Variants in LRSAM1 observed in about 807,000 individuals in gnomAD.
LRSAM1 encodes the protein E3 ubiquitin-protein ligase LRSAM1.
In LRSAM1, 96 loss-of-function variants were observed where a neutral mutation model predicts 118.1. The observed-to-expected ratio is 0.81, with a 90% CI of 0.69 to 0.96. The LOEUF is 0.96. LRSAM1 is among the 40% of genes least tolerant of loss of function. The probability of loss-of-function intolerance (pLI) is 0.00; values close to 1 mark genes in which losing one functional copy is unlikely to be tolerated. For missense variants in LRSAM1, 804 were observed against 915.5 expected, an observed-to-expected ratio of 0.88 and a Z score of 1.57; for synonymous variants, 322 against 364.2, an observed-to-expected ratio of 0.88 and a Z score of 1.32.
intron 19 of LRSAM1, 134 bp downstream of exon 19, chr9:127,489,652 C>A: frequency 1.0e-6 from 1 of 999,206 alleles, no homozygotes; most frequent in Non-Finnish European, 1.5e-6. Context: ...GAGGTCGAGG[C>A]CTTGCCCTCA....
chr9:127,475,929 G>A (rs972464985), intron 11 of LRSAM1, among the ~76,000 whole-genome samples: 5 of 151,906 alleles, frequency 3.3e-5, no homozygotes, highest in Non-Finnish European at 5.9e-5. Flanking sequence ...TAGTAGAGAC[G>A]GGGTTTCACC....
chr9:127,496,893 C>G lies in LRSAM1; in HGVS notation c.1831-360C>G, dbSNP rs189791238. Among the ~76,000 whole-genome samples the G allele has an allele frequency of 4.6e-5, 7 of 152,344 alleles. No homozygotes were observed. In the East Asian group the frequency reaches 9.6e-4, roughly 21 times the overall value. ...CTGCTGCTGCTTAGTGGCTTGGCCT[C>G]CAAGGCTTCTCTCCTCCCCCACCTG... On this transcript the variant is annotated intron_variant, in intron 23 of 25. Coordinates refer to ENST00000300417, the MANE Select transcript of LRSAM1 (RefSeq NM_001005373.4).
Position 127,489,518 on chromosome 9 carries a change from G to C in LRSAM1, c.1422G>C (p.Gln474His). The change falls in exon 19 of 26, where the codon CAG (glutamine) becomes CAC (histidine). Residue 474 changes from glutamine (Q) to histidine (H), a missense_variant and splice_region_variant. Physicochemically the swap from Gln to His is conservative, Grantham distance 24. Transcript: ENST00000300417. ...TGATGCATCGGCAGATCAGGAGCCA[G>C]GTGAGCGCTGGGGCTGGGGTCCCTG... ...KDLMHRQIRSQIKLIETELLQ... is the reference protein window; with the variant it reads ...KDLMHRQIRSHIKLIETELLQ... 6.2e-7 allele frequency: 1 copy of C among 1,606,424 alleles called. No individual in the cohort carries two copies. Among genetic ancestry groups the C allele is most frequent in the South Asian group, 1.1e-5 (1 of 89,224 alleles).
intron 10 of LRSAM1, among the ~76,000 whole-genome samples, chr9:127,471,579 G>A (rs1001325237): frequency 1.7e-4 from 26 of 151,286 alleles, no homozygotes; most frequent in African/African-American, 5.8e-4. Context: ...CTGAGGTCGG[G>A]AGTTCGAGAC....
Position 127,501,057 on chromosome 9 carries a change from G to C in LRSAM1, c.1960G>C (p.Glu654Gln). Residue 654 changes from glutamate to glutamine, a missense_variant, in exon 25 of 26, where the codon GAG (glutamate) becomes CAG (glutamine). Transcript: ENST00000300417. ...GEVVTPTAPQEPPESVRPSAP... is the reference protein window; with the variant it reads ...GEVVTPTAPQQPPESVRPSAP... ...GGTCGTCACCCCTACGGCCCCCCAGGAGCCTCCTGAGTCTGTGAGGCCATC... is the reference window on the plus strand; with the variant it reads ...GGTCGTCACCCCTACGGCCCCCCAGCAGCCTCCTGAGTCTGTGAGGCCATC... 1 of 1,614,034 alleles carries C rather than the reference G, an allele frequency of 6.2e-7. No homozygotes were observed. The highest frequency in any genetic ancestry group is 1.3e-5 in the African/African-American group (1 of 75,040).
At chr9:127,476,755 A>C (rs1835361807) in intron 11 of LRSAM1, among the ~76,000 whole-genome samples, 1 of 151,630 alleles carries the variant, frequency 6.6e-6, no homozygotes, top group South Asian at 2.1e-4. Context: ...GCTCACTGCA[A>C]CCTCTGCCTC....
chr9:127,497,098 A>ATC (rs763882034), intron 23 of LRSAM1, among the ~76,000 whole-genome samples, 155 bp from the exon 24 acceptor site: 5 of 152,240 alleles, frequency 3.3e-5, no homozygotes, highest in Non-Finnish European at 5.9e-5. Context: ...GCACTGCCTC[A>ATC]TCCTGACCGT....
intron 15 of LRSAM1, among the ~76,000 whole-genome samples, chr9:127,482,223 A>G (rs1043395152): frequency 1.3e-5 from 2 of 149,682 alleles, no homozygotes; most frequent in Non-Finnish European, 3.0e-5. Flanking sequence ...GCTCACTGCA[A>G]CCTCCACCTC....
chr9:127,477,065 G>T (rs1192005400), intron 11 of LRSAM1, among the ~76,000 whole-genome samples: 1 of 152,182 alleles, frequency 6.6e-6, no homozygotes, highest in Admixed American at 6.5e-5. Context: ...AACATTGGGT[G>T]AATTAGAGTA....
chr9:127,459,362 G>A (rs1033541765), intron 7 of LRSAM1, among the ~76,000 whole-genome samples: 9 of 151,990 alleles, frequency 5.9e-5, no homozygotes, highest in Admixed American at 1.3e-4. Context: ...GGGATTACAG[G>A]TGTGTGCCAC....
intron 10 of LRSAM1, among the ~76,000 whole-genome samples, chr9:127,471,675 T>C (rs1442467206): frequency 1.3e-5 from 2 of 150,266 alleles, no homozygotes; most frequent in African/African-American, 2.4e-5. Context: ...TAATCCCAGC[T>C]ACTCAGGAGG....
At chr9:127,497,808 G>A (rs1836211039) in intron 24 of LRSAM1, among the ~76,000 whole-genome samples, 1 of 152,198 alleles carries the variant, frequency 6.6e-6, no homozygotes, top group Non-Finnish European at 1.5e-5. Flanking sequence ...TGGAGTCTGG[G>A]GTCTGCCATG....
rs760104002 is a variant in LRSAM1 at position 127,497,244 on chromosome 9, C to G, written c.1831-9C>G. ...AGGCCACAGTCTGCACTTCCTTGAA[C>G]TGTCACAGGTGGGCGTCTCAGAAGC... On this transcript the variant is annotated splice_polypyrimidine_tract_variant and intron_variant, in intron 23 of 25. Transcript: ENST00000300417. The G allele has an allele frequency of 3.1e-6, 5 of 1,613,026 alleles. No homozygotes were observed. The highest frequency in any genetic ancestry group is 4.2e-6 in the Non-Finnish European group (5 of 1,179,890).
At chr9:127,469,922 G>A (rs149893094) in intron 10 of LRSAM1, among the ~76,000 whole-genome samples, 21 of 152,220 alleles carry the variant, frequency 1.4e-4, no homozygotes, top group African/African-American at 3.4e-4. Flanking sequence ...CCGAGATTGC[G>A]CCACTGCACT....
rs530301480 is a variant in LRSAM1, at chr9:127,465,196, A to G, written c.529-2544A>G. ...TAAGCAAACACATGGCCAGCATGCA[A>G]TGAGCCGGGATCTGAAGCCATGGCG... On this transcript the variant is annotated intron_variant, in intron 9 of 25. Transcript: ENST00000300417. The surrounding 1 kb of genome is among the most constrained non-coding windows in gnomAD (Gnocchi z 4.1). Among the ~76,000 whole-genome samples the G allele has an allele frequency of 8.5e-5, 13 of 152,246 alleles. No individual in the cohort carries two copies. In the South Asian group the frequency reaches 1.0e-3, roughly 12 times the overall value.
At position 127,503,222 on chromosome 9, in the gene LRSAM1, C is replaced by T. The variant is rs551523391; in HGVS notation, c.*323C>T. ...CCCAGCTGTCTTGACTGAAGGCCAC[C>T]GCCCCTGCAGGAGCTTGGGTCCTCA... is the stretch of plus-strand genomic sequence containing the variant. On this transcript the variant is annotated 3_prime_UTR_variant, in exon 26 of 26. Coordinates refer to ENST00000300417, the MANE Select transcript of LRSAM1 (RefSeq NM_001005373.4). 19 of 391,396 alleles carry T rather than the reference C, an allele frequency of 4.9e-5. No individual in the cohort carries two copies. The highest frequency in any genetic ancestry group is 7.5e-5 in the Admixed American group (2 of 26,692). The allele number at this position is 391,396 out of a possible 1,614,324, so 24.2% of individuals were successfully genotyped here.
chr9:127,461,241 G>T lies in LRSAM1; in HGVS notation c.390G>T (p.Gln130His). 1 of 1,611,918 alleles carries T rather than the reference G, an allele frequency of 6.2e-7. No individual in the cohort carries two copies. Among genetic ancestry groups the T allele is most frequent in the South Asian group, 1.1e-5 (1 of 91,046 alleles). ...CCATTGGGAACCTGACCCAGCTCCA[G>T]ACTCTCAATGTTAAAGGTAGGGACC... The part of the protein sequence containing the change: ...PRSIGNLTQL[Q>H]TLNVKDNKLK... The change falls in exon 8 of 26, where the codon CAG (glutamine) becomes CAT (histidine). Residue 130 changes from glutamine to histidine, a missense_variant. Transcript: ENST00000300417.
chr9:127,472,451 T>C (rs1835208792), intron 10 of LRSAM1, among the ~76,000 whole-genome samples: 1 of 151,820 alleles, frequency 6.6e-6, no homozygotes, highest in Non-Finnish European at 1.5e-5. Context: ...AGACCACCTT[T>C]ACCAACATGC....
rs1298464805 is a variant in LRSAM1 at position 127,465,092 on chromosome 9, C to G, written c.529-2648C>G. ...CTTCAGGTGTCACGCACGCCACCCA[C>G]CAAACAGCCCACCAGGTCGGTAACA... On this transcript the variant is annotated intron_variant, in intron 9 of 25. Coordinates refer to ENST00000300417, the MANE Select transcript of LRSAM1 (RefSeq NM_001005373.4). This position sits in a 1 kb window ranked among gnomAD's most constrained non-coding sequence, Gnocchi z 4.1. Among the ~76,000 whole-genome samples, 2 of 152,196 alleles carry G rather than the reference C, an allele frequency of 1.3e-5. No homozygotes were observed. The highest frequency in any genetic ancestry group is 4.8e-5 in the African/African-American group (2 of 41,434).
Sources: gnomAD v4.1 joint callset for allele counts (sites outside exome capture counted in the v4.1 genomes callset) on GRCh38, gnomAD v4.1.1 for gene constraint, Gnocchi (gnomAD v3.1) non-coding constraint, MANE v1.5 for transcripts, NCBI Gene and HGNC (gene_info 2026-07-23, HGNC 2026-07-21) for gene names.